Variants in CSMD2 observed in about 807,000 individuals in gnomAD.
The protein encoded by CSMD2 is CUB and sushi domain-containing protein 2.
A neutral mutation model predicts 398.5 loss-of-function variants in CSMD2; 130 were observed. The observed-to-expected ratio is 0.33, with a 90% CI of 0.28 to 0.38. The LOEUF (loss-of-function observed/expected upper bound fraction) is 0.38. CSMD2 is among the 10% of genes least tolerant of loss of function. The probability of loss-of-function intolerance (pLI) is 1.00; values close to 1 mark genes in which losing one functional copy is unlikely to be tolerated. For synonymous variants in CSMD2, 1,828 were observed against 1,908.5 expected, an observed-to-expected ratio of 0.96 and a Z score of 1.10; for missense variants, 3,829 against 4,764.9, an observed-to-expected ratio of 0.80 and a Z score of 5.78.
intron 5 of CSMD2, among the ~76,000 whole-genome samples, chr1:33,917,205 C>T (rs902886172): frequency 6.6e-6 from 1 of 152,220 alleles, no homozygotes; most frequent in African/African-American, 2.4e-5. Context: ...TGCCTGACAT[C>T]AGGAAGTGGA....
At position 33,519,743 on chromosome 1, in the gene CSMD2, T is replaced by C. The variant is rs1570599184; in HGVS notation, c.10737-66A>G. 4.3e-6 allele frequency: 7 copies of C among 1,612,212 alleles called. No individual in the cohort carries two copies. Among genetic ancestry groups the C allele is most frequent in the Non-Finnish European group, 5.1e-6 (6 of 1,179,042 alleles). ...GACACAGAGAGGCTTAGGGGTCTGGTGCGGGGGGCCCTGGAGGGAGAGAGG... is the reference window on the plus strand; with the variant it reads ...GACACAGAGAGGCTTAGGGGTCTGGCGCGGGGGGCCCTGGAGGGAGAGAGG... On this transcript the variant is annotated intron_variant, in intron 69 of 70. Coordinates refer to ENST00000373381, the MANE Select transcript of CSMD2 (RefSeq NM_001281956.2). This position sits in a 1 kb window ranked among gnomAD's most constrained non-coding sequence, Gnocchi z 5.6.
intron 11 of CSMD2, 76 bp downstream of exon 11, chr1:33,792,347 C>T (rs759307186): frequency 5.3e-6 from 5 of 936,816 alleles, no homozygotes; most frequent in South Asian, 1.3e-5. Context: ...AGGGACCAGG[C>T]AGGACTCCAC....
intron 59 of CSMD2, 75 bp from the exon 60 acceptor site, chr1:33,540,773 A>G: frequency 1.3e-6 from 2 of 1,536,048 alleles, no homozygotes; most frequent in Non-Finnish European, 1.8e-6. Context: ...CATTGATATC[A>G]CCGACTACCC....
chr1:33,994,862 G>A (rs532191099), intron 3 of CSMD2, among the ~76,000 whole-genome samples: 1 of 152,100 alleles, frequency 6.6e-6, no homozygotes, highest in Admixed American at 6.5e-5. Flanking sequence ...TCAGGAGATC[G>A]ATACCAGCCT....
At chr1:33,807,956 G>C (rs1656414499) in intron 10 of CSMD2, among the ~76,000 whole-genome samples, 1 of 152,170 alleles carries the variant, frequency 6.6e-6, no homozygotes, top group Non-Finnish European at 1.5e-5. Context: ...CAAAGACCAA[G>C]AGAAAACTGA....
chr1:33,607,901 T>C (rs140703338), intron 41 of CSMD2, among the ~76,000 whole-genome samples: 1 of 152,260 alleles, frequency 6.6e-6, no homozygotes, highest in Non-Finnish European at 1.5e-5. Context: ...CAACTCCTGG[T>C]GGAGGAGCTG....
intron 2 of CSMD2, among the ~76,000 whole-genome samples, chr1:34,057,643 C>A (rs1653997835): frequency 6.6e-6 from 1 of 152,148 alleles, no homozygotes; most frequent in Non-Finnish European, 1.5e-5. Context: ...CCACCGCTTC[C>A]CGTTACTCCC....
At chr1:33,851,682 A>G (rs1439147062) in intron 5 of CSMD2, among the ~76,000 whole-genome samples, 1 of 152,190 alleles carries the variant, frequency 6.6e-6, no homozygotes, top group African/African-American at 2.4e-5. Flanking sequence ...TCATTCCTGA[A>G]GCAAACCTTT....
intron 24 of CSMD2, among the ~76,000 whole-genome samples, chr1:33,694,130 C>T (rs746407786): frequency 1.3e-5 from 2 of 152,154 alleles, no homozygotes; most frequent in East Asian, 3.8e-4. Context: ...TAGATGAACG[C>T]TGAAAACATT....
At chr1:33,933,374 T>G (rs1248817225) in intron 4 of CSMD2, among the ~76,000 whole-genome samples, 1 of 152,190 alleles carries the variant, frequency 6.6e-6, no homozygotes, top group Non-Finnish European at 1.5e-5. Flanking sequence ...TTGCTGAGTA[T>G]TTTACTTCCC....
chr1:33,751,046 T>C (rs1046288997), intron 13 of CSMD2, among the ~76,000 whole-genome samples: 3 of 151,956 alleles, frequency 2.0e-5, no homozygotes, highest in Non-Finnish European at 4.4e-5. Flanking sequence ...CTATGAAGAA[T>C]TGGAATTTGA....
chr1:33,857,137 C>T (rs536973883), intron 5 of CSMD2, among the ~76,000 whole-genome samples: 1 of 152,168 alleles, frequency 6.6e-6, no homozygotes, highest in Admixed American at 6.5e-5. Context: ...AAGTAACTGA[C>T]CTGCTTTAGG....
At chr1:34,030,070 C>T (rs1650216563) in intron 3 of CSMD2, among the ~76,000 whole-genome samples, 1 of 152,204 alleles carries the variant, frequency 6.6e-6, no homozygotes, top group Non-Finnish European at 1.5e-5. Context: ...CAGCTCTGTC[C>T]AGTAAAATTT....
intron 56 of CSMD2, 91 bp downstream of exon 56, chr1:33,550,086 C>T (rs1159638485): frequency 1.5e-6 from 2 of 1,302,996 alleles, no homozygotes; most frequent in African/African-American, 2.9e-5. Context: ...TCCCTCCCAT[C>T]CATCAATCAC....
intron 5 of CSMD2, among the ~76,000 whole-genome samples, chr1:33,853,570 G>C (rs776569247): frequency 6.6e-6 from 1 of 151,760 alleles, no homozygotes; most frequent in Non-Finnish European, 1.5e-5. Context: ...CTGGCACTGA[G>C]AGACTTGGCA....
At chr1:33,747,099 C>T (rs1647488740) in intron 13 of CSMD2, among the ~76,000 whole-genome samples, 1 of 152,172 alleles carries the variant, frequency 6.6e-6, no homozygotes, top group East Asian at 1.9e-4. Context: ...TACTCACATC[C>T]ACTCAAAGAT....
chr1:33,785,924 T>C lies in CSMD2; in HGVS notation c.1663+2676A>G, dbSNP rs185513136. Among the ~76,000 whole-genome samples the C allele has an allele frequency of 4.6e-5, 7 of 152,330 alleles. No individual in the cohort carries two copies. In the East Asian group the frequency reaches 1.2e-3, roughly 25 times the overall value. On this transcript the variant is annotated intron_variant, in intron 12 of 70. Transcript: ENST00000373381. ...TCCCAAGTCCACTTCTTCTCCTGCA[T>C]AAACATTCGGGGGCCATCAACATTT...
chr1:33,524,866 G>C lies in CSMD2; in HGVS notation c.10396+16C>G. On this transcript the variant is annotated intron_variant, in intron 66 of 70. Coordinates refer to ENST00000373381, the MANE Select transcript of CSMD2 (RefSeq NM_001281956.2). Reference sequence around the variant, plus strand: ...CATCCATCCTCCCGGCTTTCATAGAGGGGCCTGCTCCTTACCAGCCAAGTG... The same window carrying C: ...CATCCATCCTCCCGGCTTTCATAGACGGGCCTGCTCCTTACCAGCCAAGTG... The C allele has an allele frequency of 6.2e-7, 1 of 1,611,878 alleles. No individual in the cohort carries two copies. Among genetic ancestry groups the C allele is most frequent in the Non-Finnish European group, 8.5e-7 (1 of 1,178,546 alleles).
rs2148597179 is a variant in CSMD2, at chr1:34,165,011, C to G, written c.87G>C (p.Val29=). The change falls in exon 1 of 71, where the codon GTG becomes GTC. Residue 29 remains valine, a synonymous_variant. Coordinates refer to ENST00000373381, the MANE Select transcript of CSMD2 (RefSeq NM_001281956.2). ...ARGETGISAL[V]PGAGSRWGRP... is the part of the protein sequence containing the mutation. ...GGCCCCAGCGGCTCCCGGCGCCCGG[C>G]ACAAGCGCCGAAATCCCGGTTTCGC... The G allele has an allele frequency of 1.7e-6, 2 of 1,208,760 alleles. No homozygotes were observed. The highest frequency in any genetic ancestry group is 6.8e-5 in the East Asian group (2 of 29,420). The allele number at this position is 1,208,760 out of a possible 1,614,324, so 74.9% of individuals were successfully genotyped here.
Sources: allele counts gnomAD v4.1 joint callset (sites outside exome capture counted in the v4.1 genomes callset), GRCh38; gene constraint gnomAD v4.1.1; non-coding constraint Gnocchi (gnomAD v3.1); transcripts MANE v1.5; gene names NCBI Gene and HGNC (gene_info 2026-07-23, HGNC 2026-07-21).